MBNL2: variants seen among roughly 807,000 people sequenced by gnomAD.
MBNL2 encodes the protein muscleblind-like protein 2.
A neutral mutation model predicts 41.9 loss-of-function variants in MBNL2; 17 were observed. The observed-to-expected ratio is 0.41, with a 90% CI of 0.28 to 0.61. MBNL2 has a LOEUF of 0.61. MBNL2 is among the 20% of genes least tolerant of loss of function. The pLI is 0.35. For synonymous variants in MBNL2, 195 were observed against 182.9 expected (o/e 1.07, Z -0.53); for missense variants, 336 against 505.6 (o/e 0.66, Z 3.22).
chr13:97,333,442 CTA>C (rs930949596), intron 2 of MBNL2, among the ~76,000 whole-genome samples: 76 of 152,300 alleles, frequency 5.0e-4, no homozygotes, highest in African/African-American at 1.7e-3. Flanking sequence ...ACACTCTTCA[CTA>C]TGTCACATCA....
the MBNL2 span, among the ~76,000 whole-genome samples, chr13:97,170,025 A>G: frequency 6.6e-6 from 1 of 152,162 alleles, no homozygotes; most frequent in Non-Finnish European, 1.5e-5. Context: ...AACAACCATC[A>G]CCTTACTGCA....
At chr13:97,354,830 TACTTAGG>T (rs1330037902) in intron 5 of MBNL2, among the ~76,000 whole-genome samples, 2 of 152,170 alleles carry the variant, frequency 1.3e-5, no homozygotes, top group Non-Finnish European at 2.9e-5. Context: ...ATTCTGTAAA[TACTTAGG>T]ACTGCAAATG....
intron 8 of MBNL2, among the ~76,000 whole-genome samples, chr13:97,381,401 G>A (rs1327878725): frequency 6.6e-6 from 1 of 151,968 alleles, no homozygotes; most frequent in Non-Finnish European, 1.5e-5. Context: ...GTTAAAATGG[G>A]TACTGTGGCC....
intron 2 of MBNL2, among the ~76,000 whole-genome samples, chr13:97,293,716 T>A (rs1373069704): frequency 2.0e-5 from 3 of 152,232 alleles, no homozygotes; most frequent in Non-Finnish European, 4.4e-5. Flanking sequence ...TAGTATTTCC[T>A]GAGTCTCGTA....
chr13:97,219,356 G>A (rs1016400251), upstream of MBNL2, among the ~76,000 whole-genome samples: 4 of 152,196 alleles, frequency 2.6e-5, no homozygotes, highest in South Asian at 8.3e-4. Context: ...GGGCCATGTT[G>A]AGGGCTTTTA....
At chr13:97,249,914 T>C (rs2046194476) in intron 1 of MBNL2, among the ~76,000 whole-genome samples, 1 of 152,252 alleles carries the variant, frequency 6.6e-6, no homozygotes, top group Non-Finnish European at 1.5e-5. Flanking sequence ...TTAACTTTTT[T>C]GGGCAGGAGG....
At chr13:97,173,963 T>C in the MBNL2 span, among the ~76,000 whole-genome samples, 4 of 152,338 alleles carry the variant, frequency 2.6e-5, no homozygotes, top group African/African-American at 9.6e-5. Flanking sequence ...TATCACATTC[T>C]GCTAAAATTG....
At chr13:97,336,151 A>AT (rs1217544609) in intron 3 of MBNL2, among the ~76,000 whole-genome samples, 1 of 152,184 alleles carries the variant, frequency 6.6e-6, no homozygotes, top group Non-Finnish European at 1.5e-5. Context: ...AGTTATGGTT[A>AT]TTATTGTCTC....
intron 2 of MBNL2, among the ~76,000 whole-genome samples, chr13:97,309,637 C>A (rs2058411128): frequency 6.6e-6 from 1 of 152,120 alleles, no homozygotes; most frequent in African/African-American, 2.4e-5. Context: ...AGCCACCCAG[C>A]TTGTAGTACT....
the MBNL2 span, among the ~76,000 whole-genome samples, chr13:97,192,568 A>T: frequency 2.6e-5 from 4 of 152,228 alleles, 1 homozygote; most frequent in African/African-American, 9.6e-5. Flanking sequence ...GAACCTGAAC[A>T]GCCTCGTGGG....
At chr13:97,205,273 C>A in the MBNL2 span, among the ~76,000 whole-genome samples, 1 of 149,216 alleles carries the variant, frequency 6.7e-6, no homozygotes, top group Non-Finnish European at 1.5e-5. Context: ...TGCCTGTAAT[C>A]CCAGCTACTC....
the MBNL2 span, among the ~76,000 whole-genome samples, chr13:97,169,600 A>C: frequency 1.3e-5 from 2 of 152,236 alleles, no homozygotes; most frequent in Non-Finnish European, 2.9e-5. Context: ...AAATGGCATC[A>C]TGAATTCAGA....
the MBNL2 span, among the ~76,000 whole-genome samples, chr13:97,197,075 T>C: frequency 6.6e-6 from 1 of 152,210 alleles, no homozygotes; most frequent in Admixed American, 6.5e-5. Flanking sequence ...AAGACATTGA[T>C]TATTCAGCCT....
intron 8 of MBNL2, among the ~76,000 whole-genome samples, chr13:97,368,219 G>C (rs368920255): frequency 1.3e-5 from 2 of 152,104 alleles, no homozygotes; most frequent in South Asian, 2.1e-4. Context: ...AGACCAGCCT[G>C]AGCAACATGG....
chr13:97,388,004 G>C (rs539365411), intron 8 of MBNL2, among the ~76,000 whole-genome samples: 33 of 152,260 alleles, frequency 2.2e-4, no homozygotes, highest in South Asian at 4.1e-4. Flanking sequence ...CTTGGAGGTT[G>C]AGTAGGGAAC....
At chr13:97,227,361 AG>A (rs897574785) in intron 1 of MBNL2, among the ~76,000 whole-genome samples, 1 of 152,204 alleles carries the variant, frequency 6.6e-6, no homozygotes, top group African/African-American at 2.4e-5. Flanking sequence ...GGAAAAAGGG[AG>A]GAGTCAAGAA....
chr13:97,162,774 A>G, the MBNL2 span, among the ~76,000 whole-genome samples: 1 of 152,236 alleles, frequency 6.6e-6, no homozygotes, highest in African/African-American at 2.4e-5. Context: ...CCTATGAAAG[A>G]TAATGTTTTT....
chr13:97,216,230 T>A, the MBNL2 span, among the ~76,000 whole-genome samples: 18 of 152,120 alleles, frequency 1.2e-4, no homozygotes, highest in African/African-American at 4.3e-4. Flanking sequence ...AAAAAAATAC[T>A]AATCTCTTCG....
chr13:97,268,243 C>T lies in MBNL2; in HGVS notation c.-604-7389C>T, dbSNP rs945394178. Among the ~76,000 whole-genome samples the T allele has an allele frequency of 6.6e-5, 10 of 152,096 alleles. No individual in the cohort carries two copies. Among genetic ancestry groups the T allele is most frequent in the East Asian group, 3.9e-4 (2 of 5,186 alleles). On this transcript the variant is annotated intron_variant, in intron 1 of 8. Transcript: ENST00000679496. The surrounding 1 kb of genome is among the most constrained non-coding windows in gnomAD (Gnocchi z 4.6). ...CTGAATAGCTGGGATTACAGGCGTG[C>T]GCCACCATGCACGCCCGGCTAAATT...
Sources: gnomAD v4.1 joint callset for allele counts (sites outside exome capture counted in the v4.1 genomes callset) on GRCh38, gnomAD v4.1.1 for gene constraint, Gnocchi (gnomAD v3.1) non-coding constraint, MANE v1.5 for transcripts, NCBI Gene and HGNC (gene_info 2026-07-23, HGNC 2026-07-21) for gene names.